MLF1: variants seen among roughly 807,000 people sequenced by gnomAD.
MLF1 encodes myeloid leukemia factor 1, also known as myelodysplasia-myeloid leukemia factor 1.
MLF1 carries 37 observed loss-of-function variants against 38.3 expected under a neutral mutation model. The ratio of observed to expected loss-of-function variants is 0.96; its 90% CI spans 0.74 to 1.27. The LOEUF is 1.27. Among genes scored for constraint, MLF1 ranks in the 50% most tolerant of loss-of-function variants. The pLI is 0.00. For missense variants in MLF1, 331 were observed against 349.2 expected (o/e 0.95, Z 0.42); for synonymous variants, 95 against 106.5 (o/e 0.89, Z 0.66).
chr3:158,596,215 C>A (rs562146015), intron 3 of MLF1, among the ~76,000 whole-genome samples: 1 of 152,106 alleles, frequency 6.6e-6, no homozygotes, highest in East Asian at 1.9e-4. Flanking sequence ...GGTTGAGAAA[C>A]TACTGTTTAG....
At chr3:158,604,936 A>G (rs941409827) in intron 7 of MLF1, among the ~76,000 whole-genome samples, 161 bp from the exon 8 acceptor site, 1 of 152,226 alleles carries the variant, frequency 6.6e-6, no homozygotes, top group Non-Finnish European at 1.5e-5. Context: ...GATTACAGGC[A>G]TGAGCCACCG....
At chr3:158,584,667 G>GTGTC (rs145296437) in intron 1 of MLF1, among the ~76,000 whole-genome samples, 1 of 129,618 alleles carries the variant, frequency 7.7e-6, no homozygotes, top group Non-Finnish European at 1.7e-5. Context: ...AAGTGTGTGT[G>GTGTC]TGTGTGTGTG....
intron 1 of MLF1, among the ~76,000 whole-genome samples, chr3:158,584,720 C>T (rs1347369675): frequency 1.4e-5 from 2 of 144,610 alleles, no homozygotes; most frequent in African/African-American, 2.7e-5. Flanking sequence ...TATGTATATA[C>T]CCCCCCCTAC....
In MLF1 at chr3:158,571,195, A is replaced by C; in HGVS notation, c.-106A>C. 1.2e-6 allele frequency: 1 copy of C among 864,512 alleles called. No homozygotes were observed. The allele number at this position is 864,512 out of a possible 1,614,324, so 53.6% of individuals were successfully genotyped here. On this transcript the variant is annotated 5_prime_UTR_variant, in exon 1 of 8. Transcript: ENST00000466246. ...GGCGGGCACCGCCTGCGCCGCGGCG[A>C]GTGAGGCGTCGTCCGTACTGGAGGC...
intron 1 of MLF1, among the ~76,000 whole-genome samples, chr3:158,576,418 A>T (rs1715432654): frequency 6.6e-6 from 1 of 152,174 alleles, no homozygotes; most frequent in South Asian, 2.1e-4. Flanking sequence ...ATGTATAGAC[A>T]AGAGGATTTT....
At chr3:158,603,757 T>G (rs1440867775) in intron 7 of MLF1, among the ~76,000 whole-genome samples, 4 of 152,124 alleles carry the variant, frequency 2.6e-5, no homozygotes, top group African/African-American at 9.7e-5. Context: ...GAGAATTGCT[T>G]GAACCTGGGA....
At chr3:158,584,719 A>ACCC (rs1301010756) in intron 1 of MLF1, among the ~76,000 whole-genome samples, 1 of 145,252 alleles carries the variant, frequency 6.9e-6, no homozygotes, top group East Asian at 2.0e-4. Context: ...TTATGTATAT[A>ACCC]CCCCCCCCTA....
intron 5 of MLF1, among the ~76,000 whole-genome samples, chr3:158,598,974 AT>A (rs1230061836): frequency 6.6e-6 from 1 of 152,134 alleles, no homozygotes; most frequent in Non-Finnish European, 1.5e-5. Context: ...TGCTTCTGAG[AT>A]TTATTCAGCT....
chr3:158,596,315 C>CT (rs1718867533), intron 3 of MLF1, among the ~76,000 whole-genome samples: 1 of 151,996 alleles, frequency 6.6e-6, no homozygotes, highest in Admixed American at 6.6e-5. Flanking sequence ...AATTGAAGGC[C>CT]TATTAGTAAA....
At chr3:158,589,891 T>A (rs1717871801) in intron 1 of MLF1, among the ~76,000 whole-genome samples, 1 of 152,208 alleles carries the variant, frequency 6.6e-6, no homozygotes, top group Non-Finnish European at 1.5e-5. Context: ...CCTCCATTTT[T>A]AAAGCCAGCA....
intron 6 of MLF1, among the ~76,000 whole-genome samples, chr3:158,602,210 A>G (rs1719892816): frequency 6.6e-6 from 1 of 152,188 alleles, no homozygotes; most frequent in East Asian, 1.9e-4. Context: ...TCACATTTAT[A>G]TATATACTGA....
At chr3:158,572,807 T>G in intron 1 of MLF1, among the ~76,000 whole-genome samples, 1 of 138,816 alleles carries the variant, frequency 7.2e-6, no homozygotes, top group African/African-American at 2.8e-5. Context: ...GGGCGTGAGG[T>G]CGCAGGAGGA....
At position 158,587,051 on chromosome 3, in the gene MLF1, CAAG is replaced by C. The variant is rs202007225; in HGVS notation, c.48-5380_48-5378del. Reference sequence around the variant, plus strand: ...ATAAATGAGACAGTTTGCATTAAAACAAGAAATTGAATGCAGATTCCTGATAAT... The same window carrying C: ...ATAAATGAGACAGTTTGCATTAAAACAAATTGAATGCAGATTCCTGATAAT... On this transcript the variant is annotated intron_variant, in intron 1 of 7. Coordinates refer to ENST00000466246, the MANE Select transcript of MLF1 (RefSeq NM_001369783.1). Among the ~76,000 whole-genome samples the C allele has an allele frequency of 5.6e-3, 857 of 152,250 alleles. 7 individuals carry two copies. The highest frequency in any genetic ancestry group is 0.019 in the African/African-American group (809 of 41,540).
intron 7 of MLF1, among the ~76,000 whole-genome samples, chr3:158,603,463 G>T (rs977677411): frequency 2.6e-5 from 4 of 152,188 alleles, no homozygotes; most frequent in African/African-American, 9.7e-5. Context: ...GAAGAATTTT[G>T]CAAGAACATT....
intron 3 of MLF1, among the ~76,000 whole-genome samples, chr3:158,595,214 C>T (rs1435643): frequency 0.33 from 50,296 of 151,756 alleles, 8,484 homozygotes; most frequent in Middle Eastern, 0.37. Context: ...AGGTGACCAG[C>T]GGTGGCCTTT....
chr3:158,592,693 A>G (rs929675582), intron 2 of MLF1, 112 bp downstream of exon 2: 52 of 909,590 alleles, frequency 5.7e-5, no homozygotes, highest in Non-Finnish European at 7.9e-5. Flanking sequence ...TTCTTGTTCT[A>G]GAAATCACTA....
intron 1 of MLF1, among the ~76,000 whole-genome samples, chr3:158,571,779 G>A (rs1165244775): frequency 4.6e-5 from 4 of 87,268 alleles, no homozygotes; most frequent in African/African-American, 2.1e-4. Context: ...GGAGGGTTGA[G>A]GGCGTGAGGT....
intron 1 of MLF1, chr3:158,582,707 G>GAA (rs746078919): frequency 4.0e-6 from 2 of 500,090 alleles, no homozygotes; most frequent in Admixed American, 8.1e-5. Flanking sequence ...GTGTTGAGAG[G>GAA]AAAAAAACCC....
chr3:158,597,218 C>T (rs778840162), intron 4 of MLF1, among the ~76,000 whole-genome samples: 1 of 151,876 alleles, frequency 6.6e-6, no homozygotes, highest in African/African-American at 2.4e-5. Flanking sequence ...AGTTCATAAC[C>T]TCCAAGTTTG....
Sources: gnomAD v4.1 joint callset for allele counts (sites outside exome capture counted in the v4.1 genomes callset) on GRCh38, gnomAD v4.1.1 for gene constraint, MANE v1.5 for transcripts, NCBI Gene and HGNC (gene_info 2026-07-23, HGNC 2026-07-21) for gene names.